The following ZNF641 variants were observed in gnomAD, a reference collection of about 807,000 sequenced individuals.
ZNF641 encodes zinc finger protein 641.
Under a neutral mutation model 46.2 loss-of-function variants are expected in ZNF641, and 26 were observed. The observed-to-expected ratio is 0.56, with a 90% CI of 0.41 to 0.78. The LOEUF is 0.78. Ranked by LOEUF, ZNF641 falls within the 30% of genes least tolerant of loss-of-function variation. ZNF641 has a pLI of 0.00. For synonymous variants in ZNF641, 163 were observed against 187.9 expected (o/e 0.87, Z 1.09); for missense variants, 469 against 517.8 (o/e 0.91, Z 0.91).
rs779352320 is a variant in ZNF641, at chr12:48,350,097, CGGTTAA to C, written c.-26+683_-26+688del. On this transcript the variant is annotated intron_variant, in intron 1 of 5. Coordinates refer to ENST00000547026, the MANE Select transcript of ZNF641 (RefSeq NM_001172681.2). ...TATTCACGCAGAGCCAGCACCTGGG[CGGTTAA>C]GGTGGTAGCCCTAACCTCGTTTCTC... 13 of 1,613,986 alleles carry C rather than the reference CGGTTAA, an allele frequency of 8.1e-6. No individual in the cohort carries two copies. In the African/African-American group the frequency reaches 1.3e-4, roughly 17 times the overall value.
chr12:48,335,037 C>A (rs11833210), downstream of ZNF641, among the ~76,000 whole-genome samples: 304 of 152,318 alleles, frequency 2.0e-3, 2 homozygotes, highest in African/African-American at 5.6e-3. Context: ...GCGCCTCCCC[C>A]CCACCATGGG....
chr12:48,342,666 C>T lies in ZNF641; in HGVS notation c.*307G>A. ...ACAACTGGTATAGCATAGACTCCAA[C>T]CAATCAGAATGGATTTCAGCCATAA... On this transcript the variant is annotated 3_prime_UTR_variant, in exon 6 of 6. Coordinates refer to ENST00000547026, the MANE Select transcript of ZNF641 (RefSeq NM_001172681.2). 1.4e-6 allele frequency: 1 copy of T among 705,734 alleles called. No homozygotes were observed. Among genetic ancestry groups the T allele is most frequent in the African/African-American group, 1.8e-5 (1 of 55,484 alleles). 43.7% of individuals were successfully genotyped at this position (705,734 alleles called of 1,614,324 possible).
chr12:48,345,617 T>C (rs1952848779), intron 3 of ZNF641, 143 bp from the exon 4 acceptor site: 1 of 931,308 alleles, frequency 1.1e-6, no homozygotes, highest in Non-Finnish European at 1.6e-6. Context: ...GTAGGGCACA[T>C]AGTTTTGGTA....
chr12:48,342,748 G>A lies in ZNF641; in HGVS notation c.*225C>T. ...CTCAGGCTGAATATCAGCCCATGTA[G>A]GATGCATTGCTTCCCAAAAGTTTTG... is the stretch of plus-strand genomic sequence containing the variant. On this transcript the variant is annotated 3_prime_UTR_variant, in exon 6 of 6. Transcript: ENST00000547026. 1.5e-6 allele frequency: 2 copies of A among 1,364,738 alleles called. No individual in the cohort carries two copies. Among genetic ancestry groups the A allele is most frequent in the South Asian group, 3.3e-5 (2 of 60,958 alleles). 84.5% of individuals were successfully genotyped at this position (1,364,738 alleles called of 1,614,324 possible).
At position 48,341,541 on chromosome 12, in the gene ZNF641, C is replaced by T; in HGVS notation, c.*1432G>A. The T allele has an allele frequency of 1.0e-6, 1 of 985,468 alleles. No homozygotes were observed. The highest frequency in any genetic ancestry group is 1.2e-6 in the Non-Finnish European group (1 of 829,946). 61.0% of individuals were successfully genotyped at this position (985,468 alleles called of 1,614,324 possible). A position where few individuals can be genotyped will look rare whatever the true frequency, so the allele number is the denominator to read the frequency against. On this transcript the variant is annotated 3_prime_UTR_variant, in exon 6 of 6. Transcript: ENST00000547026. ...CTGCAGCAGCTGAAAAGCTAAGCCA[C>T]AGCCATTTTCCCTAAAGTTCTGTTT...
Position 48,347,263 on chromosome 12 carries a change from C to A in ZNF641, c.265G>T (p.Ala89Ser). Reference protein sequence around the residue: ...DWEMAAALLAAGSQGLVTIKD... With the variant: ...DWEMAAALLASGSQGLVTIKD... ...GAAGCAGAGCTCACCTGTGATCCAG[C>A]CGCAAGAAGTGCAGCTGCCATCTCC... Residue 89 changes from alanine to serine, a missense_variant, in exon 3 of 6, where the codon GCT (alanine) becomes TCT (serine). By Grantham distance (99) the Ala-to-Ser change is moderately conservative. Coordinates refer to ENST00000547026, the MANE Select transcript of ZNF641 (RefSeq NM_001172681.2). 6.2e-7 allele frequency: 1 copy of A among 1,613,972 alleles called. No individual in the cohort carries two copies. Among genetic ancestry groups the A allele is most frequent in the South Asian group, 1.1e-5 (1 of 91,076 alleles).
downstream of ZNF641, among the ~76,000 whole-genome samples, chr12:48,337,006 G>C (rs926057453): frequency 6.6e-6 from 1 of 152,238 alleles, no homozygotes; most frequent in Non-Finnish European, 1.5e-5. Context: ...ATGCCAGAGG[G>C]AGGTGGCGAG....
Position 48,344,703 on chromosome 12 carries a change from A to T in ZNF641, c.416T>A (p.Ile139Asn). 6.2e-7 allele frequency: 1 copy of T among 1,608,170 alleles called. No individual in the cohort carries two copies. The highest frequency in any genetic ancestry group is 2.2e-5 in the East Asian group (1 of 44,848). ...TTGAGAAAGCATGTCCAGTTTGGGA[A>T]TTGGAAATCCTGCTCATGGGAAAGG... ...CGIVVSLRFP[I>N]PKLDMLSQLE... Residue 139 changes from isoleucine (I) to asparagine (N), a missense_variant, in exon 5 of 6, where the codon ATT (isoleucine) becomes AAT (asparagine). This residue lies in a region of ZNF641 where 346 missense variants were observed against 354.0 expected (regional missense o/e 0.98). Coordinates refer to ENST00000547026, the MANE Select transcript of ZNF641 (RefSeq NM_001172681.2).
At chr12:48,351,234 C>G (rs958264856), upstream of ZNF641, 3 of 152,312 alleles carry the variant, frequency 2.0e-5, no homozygotes, top group African/African-American at 7.2e-5. Flanking sequence ...TACTGGGCCT[C>G]CCACGGAGTT....
Position 48,343,344 on chromosome 12 carries a change from G to A in ZNF641, c.904C>T (p.His302Tyr). ...HLIRHQKTHL[H>Y]DKTSRCSECG... ...TCAGAGCACCTGCTGGTCTTGTCAT[G>A]TAGGTGGGTTTTCTGGTGCCTGATG... The change falls in exon 6 of 6, where the codon CAT becomes TAT. Residue 302 changes from histidine to tyrosine, a missense_variant. This residue lies in a region of ZNF641 where 346 missense variants were observed against 354.0 expected (regional missense o/e 0.98). Transcript: ENST00000547026. The A allele has an allele frequency of 6.2e-7, 1 of 1,614,202 alleles. No individual in the cohort carries two copies. The highest frequency in any genetic ancestry group is 1.1e-5 in the South Asian group (1 of 91,084).
chr12:48,338,690 TCTTG>T lies in ZNF641; in HGVS notation c.*4279_*4282del, dbSNP rs1282138211. 1 of 152,262 alleles carries T rather than the reference TCTTG, an allele frequency of 6.6e-6. No homozygotes were observed. Among genetic ancestry groups the T allele is most frequent in the Non-Finnish European group, 1.5e-5 (1 of 68,066 alleles). 9.4% of individuals were successfully genotyped at this position (152,262 alleles called of 1,614,324 possible). ...CTAGTAAGCAGAGTCTGGATTTAAA[TCTTG>T]CTTGTGTCAAATCTTACTAGAAAAA... On this transcript the variant is annotated 3_prime_UTR_variant, in exon 6 of 6. Transcript: ENST00000547026.
At chr12:48,346,769 G>C (rs1001859272) in intron 3 of ZNF641, among the ~76,000 whole-genome samples, 1 of 152,182 alleles carries the variant, frequency 6.6e-6, no homozygotes, top group Admixed American at 6.5e-5. Flanking sequence ...CCAGCACTTT[G>C]GGAGGCTGAG....
chr12:48,344,760 T>G, intron 4 of ZNF641, 48 bp from the exon 5 acceptor site: 1 of 1,081,244 alleles, frequency 9.2e-7, no homozygotes, highest in Non-Finnish European at 1.3e-6. Context: ...TCAACAGCAA[T>G]TCTATATTTC....
downstream of ZNF641, among the ~76,000 whole-genome samples, chr12:48,336,243 C>A (rs141434391): frequency 6.6e-6 from 1 of 152,200 alleles, no homozygotes; most frequent in African/African-American, 2.4e-5. Flanking sequence ...ATACCATCCC[C>A]GTGCCTGCCA....
At chr12:48,345,224 G>A in intron 4 of ZNF641, 121 bp downstream of exon 4, 1 of 1,123,690 alleles carries the variant, frequency 8.9e-7, no homozygotes, top group Non-Finnish European at 1.3e-6. Flanking sequence ...TCCAGCGGAA[G>A]CATAGACAGA....
upstream of ZNF641, chr12:48,351,205 G>A (rs1210892410): frequency 6.6e-6 from 1 of 152,358 alleles, no homozygotes; most frequent in Admixed American, 6.5e-5. Flanking sequence ...TTGCCTGACT[G>A]ACCATTTTCC....
chr12:48,340,450 C>T lies in ZNF641; in HGVS notation c.*2523G>A. Reference sequence around the variant, plus strand: ...AGCTGGATTTGTCAGCATGTCAGATCTTTTTGAAAACCAGAGAGTAGAATG... The same window carrying T: ...AGCTGGATTTGTCAGCATGTCAGATTTTTTTGAAAACCAGAGAGTAGAATG... On this transcript the variant is annotated 3_prime_UTR_variant, in exon 6 of 6. Transcript: ENST00000547026. The T allele has an allele frequency of 1.0e-6, 1 of 985,438 alleles. No homozygotes were observed. Among genetic ancestry groups the T allele is most frequent in the Non-Finnish European group, 1.2e-6 (1 of 829,932 alleles). The allele number at this position is 985,438 out of a possible 1,614,324, so 61.0% of individuals were successfully genotyped here. A position where few individuals can be genotyped will look rare whatever the true frequency, so the allele number is the denominator to read the frequency against.
chr12:48,343,265 T>C lies in ZNF641; in HGVS notation c.983A>G (p.His328Arg), dbSNP rs1952767086. The C allele has an allele frequency of 6.2e-7, 1 of 1,614,272 alleles. No homozygotes were observed. Among genetic ancestry groups the C allele is most frequent in the South Asian group, 1.1e-5 (1 of 91,088 alleles). The change falls in exon 6 of 6, where the codon CAT becomes CGT. Residue 328 changes from histidine to arginine, a missense_variant. By Grantham distance (29) the His-to-Arg change is conservative. Around this residue, in one of 3 missense-constraint regions of ZNF641, gnomAD observed 346 missense variants for 354.0 expected, o/e 0.98. Transcript: ENST00000547026. ...NSHLASHQRV[H>R]AEGKSCKGQE... ...GCCTTTGCAGGATTTGCCTTCTGCATGCACTCTCTGGTGGCTGGCCAGATG... is the reference window on the plus strand; with the variant it reads ...GCCTTTGCAGGATTTGCCTTCTGCACGCACTCTCTGGTGGCTGGCCAGATG...
In ZNF641 at chr12:48,339,879, C is replaced by A. The variant is rs1204980599; in HGVS notation, c.*3094G>T. The A allele has an allele frequency of 2.6e-5, 25 of 955,292 alleles. No individual in the cohort carries two copies. The highest frequency in any genetic ancestry group is 4.8e-5 in the South Asian group (1 of 20,770). The allele number at this position is 955,292 out of a possible 1,614,324, so 59.2% of individuals were successfully genotyped here. A position where few individuals can be genotyped will look rare whatever the true frequency, so the allele number is the denominator to read the frequency against. On this transcript the variant is annotated 3_prime_UTR_variant, in exon 6 of 6. Coordinates refer to ENST00000547026, the MANE Select transcript of ZNF641 (RefSeq NM_001172681.2). ...TAGCCTGGTGAAAAGCTAACACTTT[C>A]GGTTACAGTCTCCTATGCAAGGGAT... is the stretch of plus-strand genomic sequence containing the variant.
Sources: gnomAD v4.1 joint callset for allele counts (sites outside exome capture counted in the v4.1 genomes callset) on GRCh38, gnomAD v4.1.1 for gene constraint, gnomAD v4.1.1 regional missense constraint, MANE v1.5 for transcripts, NCBI Gene and HGNC (gene_info 2026-07-23, HGNC 2026-07-21) for gene names.